SLC25A48: variants seen among roughly 807,000 people sequenced by gnomAD.
SLC25A48 encodes the protein solute carrier family 25 member 48.
A neutral mutation model predicts 32.2 loss-of-function variants in SLC25A48; 29 were observed. The observed-to-expected ratio is 0.90, with a 90% CI of 0.67 to 1.23. The LOEUF (loss-of-function observed/expected upper bound fraction) is 1.23. Ranked by LOEUF, SLC25A48 falls within the 50% of genes most tolerant of loss-of-function variation. The probability of loss-of-function intolerance (pLI) is 0.00; values close to 1 mark genes in which losing one functional copy is unlikely to be tolerated. For missense variants in SLC25A48, 399 were observed against 422.7 expected (o/e 0.94, Z 0.49); for synonymous variants, 164 against 172.3 (o/e 0.95, Z 0.38).
intron 3 of SLC25A48, among the ~76,000 whole-genome samples, chr5:135,790,198 G>A (rs537359515): frequency 3.3e-5 from 5 of 151,788 alleles, no homozygotes; most frequent in African/African-American, 1.2e-4. Context: ...TAATAATCTA[G>A]GGGGATGTTT....
chr5:135,730,718 A>G (rs1179064483), intron 3 of SLC25A48, among the ~76,000 whole-genome samples: 1 of 152,256 alleles, frequency 6.6e-6, no homozygotes, highest in Non-Finnish European at 1.5e-5. Context: ...GAAACTTCCT[A>G]GAGACTTGTT....
intron 3 of SLC25A48, among the ~76,000 whole-genome samples, chr5:135,799,788 C>A (rs1757276746): frequency 6.6e-6 from 1 of 151,588 alleles, no homozygotes; most frequent in South Asian, 2.1e-4. Flanking sequence ...TAATATTGTT[C>A]CTAATATTCA....
At chr5:135,729,760 T>C (rs1436782776) in intron 3 of SLC25A48, among the ~76,000 whole-genome samples, 1 of 152,194 alleles carries the variant, frequency 6.6e-6, no homozygotes, top group Non-Finnish European at 1.5e-5. Flanking sequence ...CCACAGGCTA[T>C]ATGAGTTTCC....
chr5:135,764,881 G>T (rs1218185940), intron 3 of SLC25A48, among the ~76,000 whole-genome samples: 1 of 150,834 alleles, frequency 6.6e-6, no homozygotes, highest in East Asian at 1.9e-4. Flanking sequence ...ATATCGCAGG[G>T]GGTGTATATC....
At chr5:135,697,449 A>C (rs569467431) in intron 3 of SLC25A48, among the ~76,000 whole-genome samples, 1 of 152,240 alleles carries the variant, frequency 6.6e-6, no homozygotes, top group African/African-American at 2.4e-5. Context: ...TCTGAGAGCC[A>C]TGCTGGCTGC....
chr5:135,703,128 C>T (rs1580798380), intron 3 of SLC25A48, among the ~76,000 whole-genome samples: 4 of 152,272 alleles, frequency 2.6e-5, no homozygotes, highest in South Asian at 2.1e-4. Context: ...CAGGGGCCCA[C>T]GGGCAAATAG....
At chr5:135,851,368 G>A (rs1419568136) in intron 3 of SLC25A48, among the ~76,000 whole-genome samples, 1 of 152,180 alleles carries the variant, frequency 6.6e-6, no homozygotes, top group Non-Finnish European at 1.5e-5. Flanking sequence ...TGCTGTGGGA[G>A]TCCACAGTCC....
At chr5:135,606,752 C>A (rs935518445) in intron 1 of SLC25A48, among the ~76,000 whole-genome samples, 2 of 152,234 alleles carry the variant, frequency 1.3e-5, no homozygotes, top group African/African-American at 4.8e-5. Flanking sequence ...AACAGCATCA[C>A]TACTAGAGGT....
At chr5:135,767,414 A>G (rs946058159) in intron 3 of SLC25A48, among the ~76,000 whole-genome samples, 2 of 151,966 alleles carry the variant, frequency 1.3e-5, no homozygotes, top group East Asian at 1.9e-4. Flanking sequence ...CCCCTGTGAT[A>G]TGGTTCATAA....
At chr5:135,816,201 A>G (rs904083150) in intron 4 of SLC25A48, among the ~76,000 whole-genome samples, 1 of 152,210 alleles carries the variant, frequency 6.6e-6, no homozygotes, top group Non-Finnish European at 1.5e-5. Context: ...ACCTCCCACC[A>G]GGTTCCTCCC....
chr5:135,679,911 T>C (rs1039729911), intron 3 of SLC25A48, among the ~76,000 whole-genome samples: 1 of 152,092 alleles, frequency 6.6e-6, no homozygotes, highest in African/African-American at 2.4e-5. Context: ...TCTCCAGGCG[T>C]ACCCCCTAGG....
intron 1 of SLC25A48, among the ~76,000 whole-genome samples, chr5:135,614,237 C>A (rs1290935220): frequency 2.6e-5 from 4 of 152,026 alleles, no homozygotes; most frequent in Admixed American, 2.6e-4. Context: ...TCTTTCTTAG[C>A]TAGTTCCTTG....
In SLC25A48 at chr5:135,872,407, G is replaced by A. The variant is rs372423280; in HGVS notation, c.679+689G>A. 8.5e-5 allele frequency: 13 copies of A among 152,616 alleles called. No homozygotes were observed. The East Asian group carries it at 2.3e-3, about 27-fold the overall frequency. 9.5% of individuals were successfully genotyped at this position (152,616 alleles called of 1,614,324 possible). ...ACTTTCTCCAGTCACACTGGTCTCT[G>A]CTGCAACTTGACCATGCCTGGCCCT... On this transcript the variant is annotated intron_variant, in intron 5 of 7. Coordinates refer to ENST00000681962, the MANE Select transcript of SLC25A48 (RefSeq NM_001349336.2).
intron 4 of SLC25A48, among the ~76,000 whole-genome samples, chr5:135,829,509 C>T (rs1234509169): frequency 1.3e-5 from 2 of 152,128 alleles, no homozygotes; most frequent in Non-Finnish European, 2.9e-5. Flanking sequence ...CCCACAGGAC[C>T]TTGTCAGGAA....
At chr5:135,754,745 T>A (rs529597089) in intron 3 of SLC25A48, among the ~76,000 whole-genome samples, 13 of 151,770 alleles carry the variant, frequency 8.6e-5, no homozygotes, top group African/African-American at 2.9e-4. Context: ...AATATCGCTC[T>A]GGCATTTATA....
Position 135,888,299 on chromosome 5 carries a change from G to A in SLC25A48, c.*275G>A, listed in dbSNP as rs951366822. 1.2e-5 allele frequency: 6 copies of A among 484,674 alleles called. No homozygotes were observed. Among genetic ancestry groups the A allele is most frequent in the Non-Finnish European group, 1.5e-5 (4 of 269,782 alleles). 30.0% of individuals were successfully genotyped at this position (484,674 alleles called of 1,614,324 possible). On this transcript the variant is annotated 3_prime_UTR_variant, in exon 8 of 8. Transcript: ENST00000681962. ...TCCAAGAAATGTTTGGTCCAGCTGA[G>A]AAGTCCTGACCATGAGCACCAGGGA...
Position 135,699,620 on chromosome 5 carries a change from C to T in SLC25A48, c.-521+64664C>T, listed in dbSNP as rs73791053. Among the ~76,000 whole-genome samples, 883 of 152,336 alleles carry T rather than the reference C, an allele frequency of 5.8e-3. 12 individuals are homozygous for T. The highest frequency in any genetic ancestry group is 0.02 in the African/African-American group (840 of 41,560). On this transcript the variant is annotated intron_variant, in intron 3 of 10. Transcript: ENST00000646290. ...AATTATCAGCACTCATCAACTGGAA[C>T]ACGTGAGATCTGTGCATTTTATTAT...
chr5:135,617,125 G>T (rs1015104924), intron 1 of SLC25A48, among the ~76,000 whole-genome samples: 4 of 152,090 alleles, frequency 2.6e-5, no homozygotes, highest in Admixed American at 6.5e-5. Flanking sequence ...ATTACTGATT[G>T]AATCTCATTA....
At position 135,664,862 on chromosome 5, in the gene SLC25A48, G is replaced by A. The variant is rs1348332848; in HGVS notation, c.-521+29906G>A. On this transcript the variant is annotated intron_variant, in intron 3 of 10. Transcript: ENST00000646290. The stretch of plus-strand genomic sequence containing the variant: ...AGGTTGGTTCCATATCTTTGCAATT[G>A]TGAATTGTGCTGCATTAAACACACA... 2.6e-5 allele frequency among the ~76,000 whole-genome samples: 4 copies of A among 152,226 alleles called. No homozygotes were observed. The East Asian group carries it at 7.7e-4, about 29-fold the overall frequency.
Sources: gnomAD v4.1 joint callset for allele counts (sites outside exome capture counted in the v4.1 genomes callset) on GRCh38, gnomAD v4.1.1 for gene constraint, MANE v1.5 for transcripts, NCBI Gene and HGNC (gene_info 2026-07-23, HGNC 2026-07-21) for gene names.